The following NOX4 variants were observed in gnomAD, a reference collection of about 807,000 sequenced individuals.
The protein encoded by NOX4 is kidney oxidase-1.
A neutral mutation model predicts 87.6 loss-of-function variants in NOX4; 69 were observed. The ratio of observed to expected loss-of-function variants is 0.79; its 90% CI spans 0.65 to 0.96. NOX4 has a LOEUF of 0.96. NOX4 is among the 40% of genes least tolerant of loss of function. The pLI is 0.00. For missense variants in NOX4, 680 were observed against 681.5 expected, an observed-to-expected ratio of 1.00 and a Z score of 0.02; for synonymous variants, 275 against 238.2, an observed-to-expected ratio of 1.15 and a Z score of -1.42.
rs115187937 is a variant in NOX4 at position 89,386,560 on chromosome 11, C to T, written c.1075-13068G>A. Reference sequence around the variant, plus strand: ...TCTACCTCTCCCCAACTATCCCCACCACACCATCAATCTCCCTCACTCTCT... The same window carrying T: ...TCTACCTCTCCCCAACTATCCCCACTACACCATCAATCTCCCTCACTCTCT... On this transcript the variant is annotated intron_variant, in intron 11 of 17. Transcript: ENST00000263317. Among the ~76,000 whole-genome samples, 404 of 152,248 alleles carry T rather than the reference C, an allele frequency of 2.7e-3. 1 individual carries two copies. The highest frequency in any genetic ancestry group is 9.2e-3 in the African/African-American group (384 of 41,564).
At chr11:89,402,305 C>G (rs371192336) in intron 9 of NOX4, 21 bp downstream of exon 9, 11 of 1,580,462 alleles carry the variant, frequency 7.0e-6, no homozygotes, top group Non-Finnish European at 9.6e-6. Context: ...TTGTGGAGAT[C>G]AAACACAAAA....
At chr11:89,545,670 G>A in the NOX4 span, 2 of 148,160 alleles carry the variant, frequency 1.3e-5, no homozygotes, top group African/African-American at 5.0e-5. Flanking sequence ...GAAAATAGTT[G>A]GATAAATACT....
the NOX4 span, among the ~76,000 whole-genome samples, chr11:89,559,970 G>A: frequency 1.3e-5 from 2 of 152,248 alleles, no homozygotes; most frequent in Non-Finnish European, 2.9e-5. Flanking sequence ...AGAAATATAT[G>A]TTGAAGTCCT....
intron 8 of NOX4, among the ~76,000 whole-genome samples, chr11:89,421,534 T>A (rs1943083482): frequency 6.6e-6 from 1 of 152,170 alleles, no homozygotes; most frequent in African/African-American, 2.4e-5. Flanking sequence ...TTATTATAAA[T>A]CTTGCTTTAG....
intron 11 of NOX4, among the ~76,000 whole-genome samples, chr11:89,393,078 T>C (rs1941235723): frequency 6.6e-6 from 1 of 152,158 alleles, no homozygotes; most frequent in South Asian, 2.1e-4. Context: ...CAACTATCGA[T>C]CTAATGCGGT....
intron 4 of NOX4, among the ~76,000 whole-genome samples, chr11:89,444,636 A>G (rs927257665): frequency 6.6e-6 from 1 of 152,016 alleles, no homozygotes; most frequent in Non-Finnish European, 1.5e-5. Flanking sequence ...CACCTCTTCC[A>G]TAGTTCCAAA....
chr11:89,578,875 C>G, the NOX4 span, among the ~76,000 whole-genome samples: 3 of 152,298 alleles, frequency 2.0e-5, no homozygotes, highest in South Asian at 6.2e-4. Flanking sequence ...GAGCTTTATT[C>G]CTGATTGCCA....
intron 11 of NOX4, among the ~76,000 whole-genome samples, chr11:89,394,266 G>C (rs1420771555): frequency 6.6e-6 from 1 of 151,988 alleles, no homozygotes; most frequent in South Asian, 2.1e-4. Flanking sequence ...ATACTAAAAA[G>C]TAAACTAACC....
intron 11 of NOX4, among the ~76,000 whole-genome samples, chr11:89,375,841 C>T (rs1480695982): frequency 6.6e-6 from 1 of 152,154 alleles, no homozygotes; most frequent in African/African-American, 2.4e-5. Context: ...TGAACTAGAT[C>T]TCAGGTTATG....
chr11:89,421,956 T>C lies in NOX4; in HGVS notation c.575A>G (p.Tyr192Cys), dbSNP rs748978011. The change falls in exon 8 of 18, where the codon TAT becomes TGT. Residue 192 changes from tyrosine (Y) to cysteine (C), a missense_variant. Coordinates refer to ENST00000263317, the MANE Select transcript of NOX4 (RefSeq NM_016931.5). ...IRVSNYDIFW[Y>C]THNLFFVFYM... ...GAAGACAAAGAAGAGGTTATGAGTA[T>C]ACCAGAAGATATCATAGTTAGAAAC... 16 of 1,556,418 alleles carry C rather than the reference T, an allele frequency of 1.0e-5. No homozygotes were observed. In the South Asian group the frequency reaches 1.5e-4, roughly 14 times the overall value.
chr11:89,565,774 T>C, the NOX4 span, among the ~76,000 whole-genome samples: 2 of 152,168 alleles, frequency 1.3e-5, no homozygotes, highest in East Asian at 1.9e-4. Context: ...CTAAATACTG[T>C]ACCATAAATG....
At chr11:89,422,859 G>A (rs913605949) in intron 7 of NOX4, among the ~76,000 whole-genome samples, 1 of 146,510 alleles carries the variant, frequency 6.8e-6, no homozygotes, top group African/African-American at 2.5e-5. Context: ...GAGTGCAGTG[G>A]TGCAATCTCA....
chr11:89,536,130 G>C, the NOX4 span, among the ~76,000 whole-genome samples: 21 of 144,928 alleles, frequency 1.4e-4, no homozygotes, highest in African/African-American at 5.4e-4. Flanking sequence ...TCTTGATCTG[G>C]TCCTTTTCTT....
At chr11:89,546,623 A>G in the NOX4 span, 1 of 152,182 alleles carries the variant, frequency 6.6e-6, no homozygotes, top group Non-Finnish European at 1.5e-5. Flanking sequence ...ATAAAGAAAA[A>G]AATAATTTCT....
intron 13 of NOX4, among the ~76,000 whole-genome samples, chr11:89,350,755 T>A (rs1234749075): frequency 3.9e-5 from 6 of 152,214 alleles, no homozygotes; most frequent in Admixed American, 1.3e-4. Flanking sequence ...GTTACAAAGC[T>A]ACAAATTCTT....
the NOX4 span, among the ~76,000 whole-genome samples, chr11:89,566,986 G>A: frequency 2.0e-5 from 3 of 152,174 alleles, no homozygotes; most frequent in Non-Finnish European, 4.4e-5. Context: ...ACTGGGGGGT[G>A]TTGGCACAGC....
At chr11:89,427,440 G>GCATTAGGAGATATACCTAATGTAAA (rs1943492490) in intron 7 of NOX4, among the ~76,000 whole-genome samples, 1 of 152,116 alleles carries the variant, frequency 6.6e-6, no homozygotes, top group African/African-American at 2.4e-5. Context: ...AAAGGAGGAA[G>GCATTAGGAGATATACCTAATGTAAA]TTCGAACCCA....
At chr11:89,438,896 T>A (rs1306975355) in intron 6 of NOX4, among the ~76,000 whole-genome samples, 2 of 15,338 alleles carry the variant, frequency 1.3e-4, no homozygotes, top group South Asian at 1.6e-3. Flanking sequence ...TATTATATAT[T>A]ATATATATAA....
At chr11:89,330,013 A>C (rs2135361472) in intron 17 of NOX4, among the ~76,000 whole-genome samples, 1 of 152,218 alleles carries the variant, frequency 6.6e-6, no homozygotes, top group East Asian at 1.9e-4. Context: ...TAATATTTTT[A>C]ATATATGCTA....
Sources: gnomAD v4.1 joint callset for allele counts (sites outside exome capture counted in the v4.1 genomes callset) on GRCh38, gnomAD v4.1.1 for gene constraint, MANE v1.5 for transcripts, NCBI Gene and HGNC (gene_info 2026-07-23, HGNC 2026-07-21) for gene names.